WWOX: variants seen among roughly 807,000 people sequenced by gnomAD.
WWOX encodes the protein WW domain-containing oxidoreductase.
A neutral mutation model predicts 46.2 loss-of-function variants in WWOX; 69 were observed. The observed-to-expected ratio is 1.49, with a 90% confidence interval of 1.23 to 1.82. The LOEUF (loss-of-function observed/expected upper bound fraction) is 1.82. Ranked by LOEUF, WWOX falls within the 40% of genes most tolerant of loss-of-function variation. The probability of loss-of-function intolerance (pLI) is 0.00; values close to 1 mark genes in which losing one functional copy is unlikely to be tolerated. For missense variants in WWOX, 919 were observed against 542.6 expected (o/e 1.69, Z -6.89); for synonymous variants, 359 against 202.6 (o/e 1.77, Z -6.56).
At chr16:78,851,579 G>A (rs1220590347) in intron 8 of WWOX, among the ~76,000 whole-genome samples, 1 of 152,208 alleles carries the variant, frequency 6.6e-6, no homozygotes, top group African/African-American at 2.4e-5. Context: ...CCACTAGACG[G>A]TGAGGGACTT....
At chr16:78,296,975 T>C (rs72790091) in intron 5 of WWOX, among the ~76,000 whole-genome samples, 11,580 of 152,304 alleles carry the variant, frequency 0.076, 674 homozygotes, top group Admixed American at 0.17. Flanking sequence ...TTTTGCTTAT[T>C]TGCTAATGAT....
intron 8 of WWOX, among the ~76,000 whole-genome samples, chr16:78,471,397 A>G (rs1482243679): frequency 6.6e-6 from 1 of 152,180 alleles, no homozygotes; most frequent in Non-Finnish European, 1.5e-5. Flanking sequence ...ACAAATGCTA[A>G]TTAAGTTTTG....
chr16:78,341,639 G>A lies in WWOX; in HGVS notation c.517-45221G>A, dbSNP rs1233793232. On this transcript the variant is annotated intron_variant, in intron 5 of 8. Coordinates refer to ENST00000566780, the MANE Select transcript of WWOX (RefSeq NM_016373.4). ...GCTGAGATAAGTCTAGATGGGATAG[G>A]TGGGCAACATGCAGGAGAAACCTCC... 1.7e-5 allele frequency among the ~76,000 whole-genome samples: 2 copies of A among 119,564 alleles called. 1 individual carries two copies. Among genetic ancestry groups the A allele is most frequent in the Non-Finnish European group, 4.0e-5 (2 of 50,172 alleles). The allele number at this position is 119,564 out of a possible 152,430, so 78.4% of individuals were successfully genotyped here. A position where few individuals can be genotyped will look rare whatever the true frequency, so the allele number is the denominator to read the frequency against.
At chr16:78,842,266 G>A (rs932751762) in intron 8 of WWOX, among the ~76,000 whole-genome samples, 1 of 151,586 alleles carries the variant, frequency 6.6e-6, no homozygotes, top group Non-Finnish European at 1.5e-5. Context: ...AGCTGAGGCA[G>A]GAGGATTGCT....
chr16:79,053,979 T>C (rs951831309), intron 8 of WWOX, among the ~76,000 whole-genome samples: 2 of 133,198 alleles, frequency 1.5e-5, no homozygotes, highest in Admixed American at 8.0e-5. Flanking sequence ...GCTGTTATTA[T>C]CTCAAGGAGA....
chr16:78,266,327 C>G (rs2079362050), intron 5 of WWOX, among the ~76,000 whole-genome samples: 1 of 152,174 alleles, frequency 6.6e-6, no homozygotes, highest in African/African-American at 2.4e-5. Context: ...TTTATTGGAA[C>G]ACAGCCCTAC....
At chr16:78,514,497 G>C (rs573432517) in intron 8 of WWOX, among the ~76,000 whole-genome samples, 2 of 152,272 alleles carry the variant, frequency 1.3e-5, no homozygotes, top group African/African-American at 2.4e-5. Context: ...AAGGTGAAGT[G>C]GTCCTAATCT....
intron 8 of WWOX, among the ~76,000 whole-genome samples, chr16:78,600,552 G>A (rs1473324134): frequency 6.6e-6 from 1 of 152,134 alleles, no homozygotes; most frequent in Non-Finnish European, 1.5e-5. Flanking sequence ...ACTTCTCCTA[G>A]GGATCATCAT....
intron 8 of WWOX, among the ~76,000 whole-genome samples, chr16:78,974,465 A>G (rs1444124203): frequency 6.6e-6 from 1 of 152,138 alleles, no homozygotes; most frequent in Admixed American, 6.5e-5. Flanking sequence ...ACAAAATGGG[A>G]TTCTGTTTTC....
At chr16:79,093,961 C>A (rs1248577931) in intron 8 of WWOX, among the ~76,000 whole-genome samples, 1 of 152,232 alleles carries the variant, frequency 6.6e-6, no homozygotes, top group East Asian at 1.9e-4. Flanking sequence ...CACTTAGTAC[C>A]GTGTCATATA....
chr16:78,854,675 G>C (rs1307175067), intron 8 of WWOX, among the ~76,000 whole-genome samples: 2 of 152,114 alleles, frequency 1.3e-5, no homozygotes, highest in South Asian at 2.1e-4. Flanking sequence ...CCGCCTCCCG[G>C]GTTCAAGTGA....
At chr16:79,185,293 G>T in intron 8 of WWOX, among the ~76,000 whole-genome samples, 1 of 152,218 alleles carries the variant, frequency 6.6e-6, no homozygotes, top group South Asian at 2.1e-4. Flanking sequence ...AGCAGAGGCA[G>T]TCTCAATAAA....
intron 8 of WWOX, among the ~76,000 whole-genome samples, chr16:78,887,077 G>GGTGT (rs749992495): frequency 0.04 from 2,427 of 61,034 alleles, 128 homozygotes; most frequent in African/African-American, 0.097. Context: ...GTGTGTGTGT[G>GGTGT]GTGTGTGTGT....
chr16:78,119,918 C>T (rs2033003102), intron 4 of WWOX, among the ~76,000 whole-genome samples: 2 of 152,140 alleles, frequency 1.3e-5, no homozygotes, highest in Non-Finnish European at 2.9e-5. Flanking sequence ...AAGTTTCTTT[C>T]ACCTTGCGAA....
chr16:78,984,825 G>A (rs1437330699), intron 8 of WWOX, among the ~76,000 whole-genome samples: 1 of 152,162 alleles, frequency 6.6e-6, no homozygotes, highest in East Asian at 1.9e-4. Context: ...ACGTGTGCAG[G>A]GGATGTAACA....
chr16:78,947,692 C>G (rs1317061872), intron 8 of WWOX, among the ~76,000 whole-genome samples: 3 of 152,156 alleles, frequency 2.0e-5, no homozygotes, highest in Admixed American at 6.6e-5. Context: ...ATTGCTTTGT[C>G]CCCTCACTTA....
intron 8 of WWOX, among the ~76,000 whole-genome samples, chr16:78,814,739 T>G (rs143665747): frequency 1.3e-5 from 2 of 152,214 alleles, no homozygotes; most frequent in East Asian, 3.9e-4. Flanking sequence ...ATGTAACAAC[T>G]AATGTGACAT....
chr16:78,527,619 A>G (rs370639992), intron 8 of WWOX, among the ~76,000 whole-genome samples: 1 of 152,058 alleles, frequency 6.6e-6, no homozygotes, highest in Admixed American at 6.6e-5. Flanking sequence ...AATGAGTTTA[A>G]CTACATTTAA....
intron 8 of WWOX, among the ~76,000 whole-genome samples, chr16:78,796,435 C>G (rs530281275): frequency 6.6e-6 from 1 of 152,190 alleles, no homozygotes; most frequent in Non-Finnish European, 1.5e-5. Flanking sequence ...TTCCCATTGG[C>G]CAGAATTCAG....
Sources: gnomAD v4.1 joint callset for allele counts (sites outside exome capture counted in the v4.1 genomes callset) on GRCh38, gnomAD v4.1.1 for gene constraint, MANE v1.5 for transcripts, NCBI Gene and HGNC (gene_info 2026-07-23, HGNC 2026-07-21) for gene names.